Variants in LLGL2 observed in about 807,000 individuals in gnomAD.
LLGL2 encodes LLGL scribble cell polarity complex component 2.
A neutral mutation model predicts 123.2 loss-of-function variants in LLGL2; 81 were observed. That is an observed-to-expected ratio of 0.66 (90% CI 0.55 to 0.79). The LOEUF is 0.79. Among genes scored for constraint, LLGL2 ranks in the 30% least tolerant of loss-of-function variants. The pLI is 0.00. For missense variants in LLGL2, 1,273 were observed against 1,414.6 expected (o/e 0.90, Z 1.61); for synonymous variants, 577 against 594.1 (o/e 0.97, Z 0.42).
chr17:75,525,480 G>A (rs556036509), upstream of LLGL2, among the ~76,000 whole-genome samples: 1 of 151,806 alleles, frequency 6.6e-6, no homozygotes. This position sits in a 1 kb window ranked among gnomAD's most constrained non-coding sequence, Gnocchi z 4.8. Context: ...CCAGGTGCGC[G>A]CAGGTGAGGC....
intron 1 of LLGL2, among the ~76,000 whole-genome samples, chr17:75,534,272 C>T (rs534272190): frequency 6.6e-6 from 1 of 152,366 alleles, no homozygotes; most frequent in South Asian, 2.1e-4. Context: ...AGAAAGGAAA[C>T]TTCAGGAGGA....
At chr17:75,534,542 G>A (rs2053930665) in intron 1 of LLGL2, among the ~76,000 whole-genome samples, 2 of 152,120 alleles carry the variant, frequency 1.3e-5, no homozygotes, top group Admixed American at 1.3e-4. Flanking sequence ...GCACAGTGGT[G>A]CCATCATAGC....
chr17:75,561,242 T>G (rs190459052), intron 6 of LLGL2, among the ~76,000 whole-genome samples: 2 of 152,342 alleles, frequency 1.3e-5, no homozygotes, highest in Non-Finnish European at 2.9e-5. Context: ...CCTAAAGATA[T>G]AGGATAAGAA....
Position 75,573,940 on chromosome 17 carries a change from C to A in LLGL2, c.2877-12C>A. On this transcript the variant is annotated splice_polypyrimidine_tract_variant and intron_variant, in intron 21 of 25. Coordinates refer to ENST00000392550, the MANE Select transcript of LLGL2 (RefSeq NM_001031803.2). ...CCGGGGGCCCTGGTCCTCACTGTCT[C>A]TTCCCCCACAGGAACTCAGGGACTC... is the stretch of plus-strand genomic sequence containing the variant. The A allele has an allele frequency of 6.4e-7, 1 of 1,550,740 alleles. No homozygotes were observed. Among genetic ancestry groups the A allele is most frequent in the South Asian group, 1.2e-5 (1 of 84,066 alleles).
In LLGL2 at chr17:75,564,468, A is replaced by G. The variant is rs2055359331; in HGVS notation, c.997A>G (p.Ile333Val). 1.2e-6 allele frequency: 2 copies of G among 1,613,232 alleles called. No individual in the cohort carries two copies. The highest frequency in any genetic ancestry group is 1.7e-6 in the Non-Finnish European group (2 of 1,180,018). Residue 333 changes from isoleucine (I) to valine (V), a missense_variant, in exon 10 of 26, where the codon ATC (isoleucine) becomes GTC (valine). Transcript: ENST00000392550. The surrounding 1 kb of genome is among the most constrained non-coding windows in gnomAD (Gnocchi z 4.9). ...QTAFDFTSRVIGFTVLTEADP... is the reference protein window; with the variant it reads ...QTAFDFTSRVVGFTVLTEADP... ...GGCCTTCGACTTCACCTCCCGTGTCATCGGCTTCACTGTCCTCACAGAGGC... is the reference window on the plus strand; with the variant it reads ...GGCCTTCGACTTCACCTCCCGTGTCGTCGGCTTCACTGTCCTCACAGAGGC...
intron 23 of LLGL2, 39 bp downstream of exon 23, chr17:75,574,299 TGGGGAA>T: frequency 4.2e-6 from 1 of 239,648 alleles, no homozygotes; most frequent in Non-Finnish European, 6.4e-6. Context: ...GCAGGAGGGG[TGGGGAA>T]GGGGGGTCAG....
chr17:75,531,120 C>G (rs1346772029), intron 1 of LLGL2, among the ~76,000 whole-genome samples: 1 of 152,108 alleles, frequency 6.6e-6, no homozygotes, highest in East Asian at 1.9e-4. Flanking sequence ...GCCTGTGCTG[C>G]TCTGTTGGCA....
At position 75,573,962 on chromosome 17, in the gene LLGL2, A is replaced by G. The variant is rs1275366916; in HGVS notation, c.2887A>G (p.Thr963Ala). ...KAPSRARNSGTQSDGEEKQPG... is the reference protein window; with the variant it reads ...KAPSRARNSGAQSDGEEKQPG... ...TCTCTTCCCCCACAGGAACTCAGGG[A>G]CTCAGAGTGATGGCGAGGGTAAGAC... Residue 963 changes from threonine (T) to alanine (A), a missense_variant, in exon 22 of 26, where the codon ACT (threonine) becomes GCT (alanine). Thr to Ala is a moderately conservative substitution (Grantham distance 58). Coordinates refer to ENST00000392550, the MANE Select transcript of LLGL2 (RefSeq NM_001031803.2). 1.3e-6 allele frequency: 2 copies of G among 1,550,590 alleles called. No homozygotes were observed. The highest frequency in any genetic ancestry group is 2.4e-5 in the South Asian group (2 of 84,066).
chr17:75,575,050 C>A lies in LLGL2; in HGVS notation c.*172C>A. 2.3e-6 allele frequency: 2 copies of A among 854,216 alleles called. No homozygotes were observed. The highest frequency in any genetic ancestry group is 2.5e-5 in the East Asian group (1 of 39,894). 52.9% of individuals were successfully genotyped at this position (854,216 alleles called of 1,614,324 possible). On this transcript the variant is annotated 3_prime_UTR_variant, in exon 26 of 26. Coordinates refer to ENST00000392550, the MANE Select transcript of LLGL2 (RefSeq NM_001031803.2). ...TCGGGAGAGGAGAGACCCCAGTCCC[C>A]TGGGCTGCCCTTCCCGGGCCTCGTC...
Position 75,558,504 on chromosome 17 carries a change from C to T in LLGL2, c.256-8C>T. 1 of 1,576,108 alleles carries T rather than the reference C, an allele frequency of 6.3e-7. No individual in the cohort carries two copies. Among genetic ancestry groups the T allele is most frequent in the Non-Finnish European group, 8.6e-7 (1 of 1,161,472 alleles). ...AGACCACATGATCCCGTCGTGTGCC[C>T]TCGCCAGTGCCAGCTGGTCACCCTG... On this transcript the variant is annotated splice_polypyrimidine_tract_variant and splice_region_variant and intron_variant, in intron 4 of 25. Coordinates refer to ENST00000392550, the MANE Select transcript of LLGL2 (RefSeq NM_001031803.2). The surrounding 1 kb of genome is among the most constrained non-coding windows in gnomAD (Gnocchi z 4.0).
In LLGL2 at chr17:75,564,293, T is replaced by TGA. The variant is rs1343272188; in HGVS notation, c.882-59_882-58insAG. On this transcript the variant is annotated intron_variant, in intron 9 of 25. Coordinates refer to ENST00000392550, the MANE Select transcript of LLGL2 (RefSeq NM_001031803.2). This position sits in a 1 kb window ranked among gnomAD's most constrained non-coding sequence, Gnocchi z 4.9. ...TGAGTGGTGACTTTGATTGCCGGCC[T>TGA]GTGGCTGTTGAGGCTGTGCCAGGAG... 6.4e-6 allele frequency: 10 copies of TGA among 1,551,790 alleles called. No individual in the cohort carries two copies. In the East Asian group the frequency reaches 2.3e-4, roughly 35 times the overall value.
chr17:75,534,185 G>C (rs896605938), intron 1 of LLGL2, among the ~76,000 whole-genome samples: 7 of 152,274 alleles, frequency 4.6e-5, no homozygotes, highest in African/African-American at 1.7e-4. Flanking sequence ...GTTGGATTAT[G>C]AAAGGGGGCT....
intron 1 of LLGL2, among the ~76,000 whole-genome samples, chr17:75,532,055 T>TATACACACACACAC (rs1555648011): frequency 0.032 from 2,977 of 93,790 alleles, 101 homozygotes; most frequent in Middle Eastern, 0.11. Context: ...TATGTATATA[T>TATACACACACACAC]ACACACACAC....
intron 2 of LLGL2, among the ~76,000 whole-genome samples, chr17:75,555,460 C>G (rs1009158851): frequency 6.6e-6 from 1 of 151,984 alleles, no homozygotes; most frequent in African/African-American, 2.4e-5. Flanking sequence ...GAAAAAAACA[C>G]GTATGTGCAA....
At chr17:75,536,840 C>CT (rs1030598105) in intron 1 of LLGL2, among the ~76,000 whole-genome samples, 4 of 152,018 alleles carry the variant, frequency 2.6e-5, no homozygotes, top group African/African-American at 9.7e-5. Flanking sequence ...TATTTATTTA[C>CT]TTTTTGAGAT....
chr17:75,565,885 G>T (rs897328993), intron 10 of LLGL2, among the ~76,000 whole-genome samples: 1 of 152,202 alleles, frequency 6.6e-6, no homozygotes, highest in African/African-American at 2.4e-5. Flanking sequence ...ACTGCTATAT[G>T]CCAGGCCCTG....
intron 1 of LLGL2, among the ~76,000 whole-genome samples, chr17:75,531,436 A>G (rs1206348615): frequency 6.6e-6 from 1 of 152,244 alleles, no homozygotes; most frequent in Admixed American, 6.5e-5. Flanking sequence ...TGGAGGCCCA[A>G]GAGACCAATG....
At chr17:75,550,975 G>C (rs1295752228) in intron 2 of LLGL2, among the ~76,000 whole-genome samples, 2 of 151,940 alleles carry the variant, frequency 1.3e-5, no homozygotes, top group Admixed American at 6.6e-5. Flanking sequence ...TCCCTTCCCT[G>C]TTCCCAACAA....
chr17:75,561,448 GACCCTGTCT>G (rs1285164165), intron 6 of LLGL2, among the ~76,000 whole-genome samples: 1 of 152,056 alleles, frequency 6.6e-6, no homozygotes, highest in African/African-American at 2.4e-5. Flanking sequence ...AACATAGCAA[GACCCTGTCT>G]CTCCTCACAA....
Sources: gnomAD v4.1 joint callset for allele counts (sites outside exome capture counted in the v4.1 genomes callset) on GRCh38, gnomAD v4.1.1 for gene constraint, Gnocchi (gnomAD v3.1) non-coding constraint, MANE v1.5 for transcripts, NCBI Gene and HGNC (gene_info 2026-07-23, HGNC 2026-07-21) for gene names.